Variants in ZNF804A observed in about 807,000 individuals in gnomAD.
ZNF804A encodes the protein zinc finger protein 804A.
ZNF804A carries 2 observed loss-of-function variants against 16.5 expected under a neutral mutation model. That is an observed-to-expected ratio of 0.12 (90% CI 0.05 to 0.38). ZNF804A has a LOEUF of 0.38. ZNF804A is among the 10% of genes least tolerant of loss of function. ZNF804A has a pLI of 0.99. For synonymous variants in ZNF804A, 534 were observed against 489.6 expected (o/e 1.09, Z -1.20); for missense variants, 1,473 against 1,390.7 (o/e 1.06, Z -0.94).
chr2:184,736,476 C>A (rs1693615330), intron 1 of ZNF804A, among the ~76,000 whole-genome samples: 1 of 152,096 alleles, frequency 6.6e-6, no homozygotes, highest in African/African-American at 2.4e-5. Flanking sequence ...TGGAAATCAT[C>A]ATCCTCAGAA....
intron 2 of ZNF804A, among the ~76,000 whole-genome samples, chr2:184,908,492 G>C (rs1403869178): frequency 6.6e-6 from 1 of 152,058 alleles, no homozygotes; most frequent in Non-Finnish European, 1.5e-5. Context: ...TGCCATGTAA[G>C]GTAACATGTT....
At position 184,645,025 on chromosome 2, in the gene ZNF804A, G is replaced by T. The variant is rs558513487; in HGVS notation, c.111+45955G>T. Among the ~76,000 whole-genome samples the T allele has an allele frequency of 3.3e-5, 5 of 152,068 alleles. No homozygotes were observed. In the East Asian group the frequency reaches 7.7e-4, roughly 24 times the overall value. On this transcript the variant is annotated intron_variant, in intron 1 of 3. Coordinates refer to ENST00000302277, the MANE Select transcript of ZNF804A (RefSeq NM_194250.2). ...ATTATCACCTGCTTGTAGTGTAATT[G>T]TGAGAGGATAATTCCTAGACACTTT...
intron 1 of ZNF804A, among the ~76,000 whole-genome samples, chr2:184,734,660 G>T (rs1693580273): frequency 6.6e-6 from 1 of 152,090 alleles, no homozygotes; most frequent in Non-Finnish European, 1.5e-5. Context: ...TGATAATGTT[G>T]TTTATAGATG....
chr2:184,683,025 G>C (rs1473901776), intron 1 of ZNF804A, among the ~76,000 whole-genome samples: 11 of 152,058 alleles, frequency 7.2e-5, no homozygotes, highest in Non-Finnish European at 1.6e-4. Flanking sequence ...AACAGAGTGA[G>C]ACCCTGTCTC....
intron 1 of ZNF804A, among the ~76,000 whole-genome samples, chr2:184,855,403 G>T (rs114008221): frequency 5.6e-4 from 85 of 152,080 alleles, no homozygotes; most frequent in African/African-American, 2.0e-3. Flanking sequence ...TGGACTTGAT[G>T]AAAACAGCCA....
chr2:184,894,392 T>C (rs1482980253), intron 2 of ZNF804A, among the ~76,000 whole-genome samples: 1 of 152,132 alleles, frequency 6.6e-6, no homozygotes, highest in Non-Finnish European at 1.5e-5. Flanking sequence ...TGAATACATA[T>C]ATTTTAATCA....
In ZNF804A at chr2:184,866,622, T is replaced by C. The variant is rs374522468; in HGVS notation, c.255+110T>C. 3 of 986,596 alleles carry C rather than the reference T, an allele frequency of 3.0e-6. No individual in the cohort carries two copies. In the East Asian group the frequency reaches 9.3e-5, roughly 31 times the overall value. 61.1% of individuals were successfully genotyped at this position (986,596 alleles called of 1,614,324 possible). On this transcript the variant is annotated intron_variant, in intron 2 of 3. Transcript: ENST00000302277. ...TATTCTTATTTAATTTAATTTGCTG[T>C]ACAGTTTTGAAATATATCATTCTGG...
chr2:184,824,329 C>T (rs1045469658), intron 1 of ZNF804A, among the ~76,000 whole-genome samples: 2 of 152,156 alleles, frequency 1.3e-5, no homozygotes, highest in East Asian at 1.9e-4. Flanking sequence ...CAAACTTTGA[C>T]TCTAAATATT....
At chr2:184,648,117 A>T (rs562843708) in intron 1 of ZNF804A, among the ~76,000 whole-genome samples, 1 of 152,278 alleles carries the variant, frequency 6.6e-6, no homozygotes, top group African/African-American at 2.4e-5. Context: ...TTAAGAAAAG[A>T]AAAGAAAAGA....
chr2:184,880,416 A>C (rs540637479), intron 2 of ZNF804A, among the ~76,000 whole-genome samples: 23 of 152,084 alleles, frequency 1.5e-4, no homozygotes, highest in African/African-American at 5.1e-4. Flanking sequence ...TTTTTACTGA[A>C]TGTTTCACTC....
chr2:184,768,206 C>T (rs1416614229), intron 1 of ZNF804A, among the ~76,000 whole-genome samples: 2 of 152,002 alleles, frequency 1.3e-5, no homozygotes, highest in South Asian at 2.1e-4. Flanking sequence ...AAGTAATCTA[C>T]AGATACTGAA....
intron 1 of ZNF804A, among the ~76,000 whole-genome samples, chr2:184,642,198 G>T (rs1216032783): frequency 6.6e-5 from 10 of 152,048 alleles, no homozygotes; most frequent in African/African-American, 2.2e-4. Context: ...TTTCATATGT[G>T]TTGCTGATGT....
chr2:184,833,194 T>C (rs368670056), intron 1 of ZNF804A, among the ~76,000 whole-genome samples: 4 of 152,080 alleles, frequency 2.6e-5, no homozygotes, highest in East Asian at 3.9e-4. Flanking sequence ...CATGCTATAT[T>C]GTATTGTTCC....
chr2:184,776,315 G>A (rs77344016), intron 1 of ZNF804A, among the ~76,000 whole-genome samples: 2,183 of 151,456 alleles, frequency 0.014, 57 homozygotes, highest in African/African-American at 0.05. Context: ...ATGACAAGAA[G>A]AACAAATGTA....
At chr2:184,769,246 A>C (rs1479574285) in intron 1 of ZNF804A, among the ~76,000 whole-genome samples, 1 of 152,092 alleles carries the variant, frequency 6.6e-6, no homozygotes, top group Non-Finnish European at 1.5e-5. Context: ...ACACTGCTGT[A>C]AGTTATGAAT....
chr2:184,644,759 T>G (rs903242064), intron 1 of ZNF804A, among the ~76,000 whole-genome samples: 3 of 152,042 alleles, frequency 2.0e-5, no homozygotes, highest in Non-Finnish European at 4.4e-5. Context: ...AAAACTCTGT[T>G]TCATACCTTG....
At chr2:184,847,871 C>A (rs1259607475) in intron 1 of ZNF804A, among the ~76,000 whole-genome samples, 1 of 151,982 alleles carries the variant, frequency 6.6e-6, no homozygotes, top group African/African-American at 2.4e-5. Context: ...ATTACTAGTT[C>A]ATTGCAAAGG....
At chr2:184,864,513 GATT>G (rs1695845931) in intron 1 of ZNF804A, among the ~76,000 whole-genome samples, 1 of 152,098 alleles carries the variant, frequency 6.6e-6, no homozygotes, top group African/African-American at 2.4e-5. Flanking sequence ...CATAACAATA[GATT>G]ATTATCTTTA....
chr2:184,797,894 T>A (rs1176065352), intron 1 of ZNF804A, among the ~76,000 whole-genome samples: 1 of 152,088 alleles, frequency 6.6e-6, no homozygotes, highest in Non-Finnish European at 1.5e-5. Flanking sequence ...GTTCTTATAG[T>A]TGTGGCTTGG....
Sources: gnomAD v4.1 joint callset for allele counts (sites outside exome capture counted in the v4.1 genomes callset) on GRCh38, gnomAD v4.1.1 for gene constraint, MANE v1.5 for transcripts, NCBI Gene and HGNC (gene_info 2026-07-23, HGNC 2026-07-21) for gene names.